LTF: variants seen among roughly 807,000 people sequenced by gnomAD.
The protein encoded by LTF is epididymis luminal protein 110.
Under a neutral mutation model 87.2 loss-of-function variants are expected in LTF, and 91 were observed. The observed-to-expected ratio is 1.04, with a 90% confidence interval of 0.88 to 1.24. LTF has a LOEUF of 1.24. LTF is among the 50% of genes most tolerant of loss of function. The pLI is 0.00. For synonymous variants in LTF, 378 were observed against 356.1 expected (o/e 1.06, Z -0.69); for missense variants, 901 against 904.3 (o/e 1.00, Z 0.05).
intron 6 of LTF, 61 bp from the exon 7 acceptor site, chr3:46,450,734 C>T: frequency 7.2e-7 from 1 of 1,397,748 alleles, no homozygotes; most frequent in Non-Finnish European, 1.0e-6. Flanking sequence ...TAACCTCGAG[C>T]TATAGTTCCC....
chr3:46,444,010 C>T (rs1477877332), intron 12 of LTF, among the ~76,000 whole-genome samples: 2 of 152,156 alleles, frequency 1.3e-5, no homozygotes, highest in Non-Finnish European at 2.9e-5. Flanking sequence ...TATCAGACTC[C>T]CTGGGGCTCA....
intron 6 of LTF, among the ~76,000 whole-genome samples, chr3:46,451,832 T>C (rs942563953): frequency 2.0e-4 from 31 of 152,192 alleles, no homozygotes; most frequent in African/African-American, 5.3e-4. Flanking sequence ...TGACCTCATG[T>C]GATCCACCCG....
chr3:46,443,417 G>C, intron 13 of LTF, 24 bp downstream of exon 13: 1 of 1,613,634 alleles, frequency 6.2e-7, no homozygotes, highest in Middle Eastern at 1.7e-4. Flanking sequence ...TCCCCATCCT[G>C]ATGGAGCTCA....
chr3:46,470,100 G>A (rs1703263911), intron 2 of LTF, among the ~76,000 whole-genome samples: 1 of 152,222 alleles, frequency 6.6e-6, no homozygotes, highest in South Asian at 2.1e-4. Context: ...AGTGGAATGA[G>A]CTCATGCTTC....
chr3:46,452,361 A>T (rs1702823125), intron 6 of LTF, among the ~76,000 whole-genome samples: 1 of 152,238 alleles, frequency 6.6e-6, no homozygotes, highest in South Asian at 2.1e-4. Flanking sequence ...AACTAAAAAG[A>T]GGTGTGATCA....
chr3:46,444,383 C>T (rs113812049), intron 12 of LTF, among the ~76,000 whole-genome samples: 1,752 of 152,330 alleles, frequency 0.012, 37 homozygotes, highest in African/African-American at 0.039. Flanking sequence ...TTTTCTGTTC[C>T]TTGCAGCTGA....
chr3:46,463,702 G>A (rs1703142278), intron 1 of LTF: 3 of 967,716 alleles, frequency 3.1e-6, no homozygotes, highest in Non-Finnish European at 3.7e-6. Flanking sequence ...AGGAAGGCAA[G>A]GCTTCCTTCC....
intron 2 of LTF, among the ~76,000 whole-genome samples, chr3:46,457,658 C>T (rs775468008): frequency 9.9e-5 from 15 of 152,214 alleles, no homozygotes; most frequent in Non-Finnish European, 1.6e-4. Context: ...TAACAAATCG[C>T]TCAGGTCTGA....
intron 3 of LTF, 60 bp from the exon 4 acceptor site, chr3:46,456,038 C>T (rs1702921353): frequency 6.9e-7 from 1 of 1,448,838 alleles, no homozygotes; most frequent in Non-Finnish European, 9.2e-7. Flanking sequence ...CAAAAACAAC[C>T]CATCCTGAAA....
chr3:46,448,274 G>A (rs1448381207), intron 9 of LTF, among the ~76,000 whole-genome samples: 2 of 152,004 alleles, frequency 1.3e-5, no homozygotes, highest in East Asian at 1.9e-4. Flanking sequence ...AGCTGAGATG[G>A]GAGGATCACT....
At chr3:46,439,752 C>T (rs1041908097) in intron 14 of LTF, among the ~76,000 whole-genome samples, 5 of 152,192 alleles carry the variant, frequency 3.3e-5, no homozygotes, top group African/African-American at 7.2e-5. Flanking sequence ...ACCTCGAAAA[C>T]GATGCTAAGT....
At position 46,445,345 on chromosome 3, in the gene LTF, G is replaced by A. The variant is rs1319459133; in HGVS notation, c.1449C>T (p.Asp483=). 3.1e-6 allele frequency: 5 copies of A among 1,614,066 alleles called. No individual in the cohort carries two copies. In the East Asian group the frequency reaches 8.9e-5, roughly 29 times the overall value. Residue 483 remains aspartate (D), a synonymous_variant, in exon 12 of 17, where the codon GAC becomes GAT. Transcript: ENST00000231751. The part of the protein sequence containing the change: ...KGKKSCHTAV[D]RTAGWNIPMG... The stretch of plus-strand genomic sequence containing the variant: ...TGGGGATATTCCAGCCTGCAGTCCT[G>A]TCCACGGCGGTGTGGCAGGACTTCT...
intron 1 of LTF, among the ~76,000 whole-genome samples, chr3:46,481,551 G>A (rs1017188786): frequency 6.6e-6 from 1 of 152,158 alleles, no homozygotes; most frequent in Admixed American, 6.5e-5. Flanking sequence ...TGTGACTATT[G>A]TCATGATTAG....
In LTF at chr3:46,460,128, T is replaced by G. The variant is rs147502303; in HGVS notation, c.44-309A>C. ...AAATGATGGTGATCCCCCAGATCAG[T>G]TATGGAATTCTTCTACCAGCTTTGC... is the stretch of plus-strand genomic sequence containing the variant. On this transcript the variant is annotated intron_variant, in intron 1 of 16. Coordinates refer to ENST00000231751, the MANE Select transcript of LTF (RefSeq NM_002343.6). 2.8e-3 allele frequency among the ~76,000 whole-genome samples: 420 copies of G among 152,288 alleles called. 5 individuals are homozygous for G. The highest frequency in any genetic ancestry group is 9.4e-3 in the African/African-American group (391 of 41,562).
chr3:46,436,322 T>A, intron 16 of LTF, 93 bp from the exon 17 acceptor site: 16 of 1,156,448 alleles, frequency 1.4e-5, no homozygotes, highest in South Asian at 2.5e-5. Flanking sequence ...TACTAAGAGT[T>A]TTCTCTGCCC....
intron 1 of LTF, among the ~76,000 whole-genome samples, chr3:46,463,208 G>A (rs977962417): frequency 6.6e-6 from 1 of 152,198 alleles, no homozygotes; most frequent in Non-Finnish European, 1.5e-5. Flanking sequence ...GACCTGGCTG[G>A]ACACTGGCCA....
chr3:46,445,144 G>T (rs2106846642), intron 12 of LTF, 137 bp downstream of exon 12: 1 of 899,640 alleles, frequency 1.1e-6, no homozygotes, highest in East Asian at 2.8e-5. Flanking sequence ...GCCACAGGGA[G>T]AATTTCCTTA....
At chr3:46,449,754 A>G in intron 8 of LTF, 100 bp downstream of exon 8, 1 of 1,250,698 alleles carries the variant, frequency 8.0e-7, no homozygotes, top group South Asian at 1.3e-5. Flanking sequence ...ATGACCCCAC[A>G]GTGTCTGGGA....
At chr3:46,449,822 G>A in intron 8 of LTF, 32 bp downstream of exon 8, 3 of 1,612,682 alleles carry the variant, frequency 1.9e-6, no homozygotes, top group Non-Finnish European at 2.5e-6. Context: ...ACCACACCAG[G>A]CGGACCTCAG....
Sources: gnomAD v4.1 joint callset for allele counts (sites outside exome capture counted in the v4.1 genomes callset) on GRCh38, gnomAD v4.1.1 for gene constraint, MANE v1.5 for transcripts, NCBI Gene and HGNC (gene_info 2026-07-23, HGNC 2026-07-21) for gene names.